RBMX: variants seen among roughly 807,000 people sequenced by gnomAD.
RBMX encodes RNA-binding motif protein, X chromosome.
RBMX carries 1 observed loss-of-function variant against 29.3 expected under a neutral mutation model. The ratio of observed to expected loss-of-function variants is 0.03; its 90% confidence interval spans 0.01 to 0.16. The LOEUF is 0.16. Among genes scored for constraint, RBMX ranks in the 10% least tolerant of loss-of-function variants. The probability of loss-of-function intolerance (pLI) is 1.00; values close to 1 mark genes in which losing one functional copy is unlikely to be tolerated. For synonymous variants in RBMX, 102 were observed against 102.3 expected (o/e 1.00, Z 0.02); for missense variants, 121 against 333.2 (o/e 0.36, Z 4.96).
At chrX:136,876,696 G>C (rs773882563) in intron 4 of RBMX, 41 bp from the exon 5 acceptor site, 18 of 964,215 alleles carry the variant, frequency 1.9e-5, no homozygotes, top group Middle Eastern at 5.7e-4. Flanking sequence ...CTACTCACAA[G>C]AATCAAGAAA....
downstream of RBMX, chrX:136,869,361 T>C (rs2077672035): frequency 8.9e-6 from 1 of 112,489 alleles, no homozygotes; most frequent in African/African-American, 3.2e-5. Flanking sequence ...TCTGATTCCT[T>C]TTCCACACAT....
chrX:136,871,220 C>T (rs746583296), downstream of RBMX, among the ~76,000 whole-genome samples: 1 of 109,191 alleles, frequency 9.2e-6, no homozygotes, highest in East Asian at 2.9e-4. Context: ...GCGAGGCAGG[C>T]AGATCACAAG....
In RBMX at chrX:136,879,187, T is replaced by C. The variant is rs773587358; in HGVS notation, c.110-64A>G. 57 of 1,205,980 alleles carry C rather than the reference T, an allele frequency of 4.7e-5. No individual in the cohort carries two copies. The South Asian group carries it at 8.6e-4, about 18-fold the overall frequency. The stretch of plus-strand genomic sequence containing the variant: ...GGTCAAATGAAATAACCAAAGTAAA[T>C]GTGTAAACAGAAAGCTCAGAACTTC... On this transcript the variant is annotated intron_variant, in intron 2 of 8. Coordinates refer to ENST00000320676, the MANE Select transcript of RBMX (RefSeq NM_002139.4).
chrX:136,878,502 T>A (rs1250638426), intron 3 of RBMX, among the ~76,000 whole-genome samples: 1 of 108,853 alleles, frequency 9.2e-6, no homozygotes, highest in African/African-American at 3.3e-5. Context: ...TCCCAGTACT[T>A]TGGGAGGCGG....
chrX:136,870,367 A>G (rs2077677157), downstream of RBMX: 1 of 113,730 alleles, frequency 8.8e-6, no homozygotes, highest in Non-Finnish European at 1.9e-5. Context: ...AGCACTGCTT[A>G]TGCAACTGTA....
At chrX:136,869,352 C>T (rs1022257422), downstream of RBMX, 1 of 112,463 alleles carries the variant, frequency 8.9e-6, no homozygotes, top group Non-Finnish European at 1.9e-5. Context: ...GAATCAAGAT[C>T]TGATTCCTTT....
rs757886996 is a variant in RBMX, at chrX:136,878,169, C to T, written c.217-83G>A. On this transcript the variant is annotated intron_variant, in intron 3 of 8. Coordinates refer to ENST00000320676, the MANE Select transcript of RBMX (RefSeq NM_002139.4). ...CTATGCACTAAGACACTAACTGGTCCTTCAAAATGCAGTTATGGGTAAGTG... is the reference window on the plus strand; with the variant it reads ...CTATGCACTAAGACACTAACTGGTCTTTCAAAATGCAGTTATGGGTAAGTG... 40 of 835,728 alleles carry T rather than the reference C, an allele frequency of 4.8e-5. No homozygotes were observed. The African/African-American group carries it at 8.3e-4, about 17-fold the overall frequency. 68.9% of individuals were successfully genotyped at this position (835,728 alleles called of 1,213,427 possible).
At position 136,875,274 on chromosome X, in the gene RBMX, G is replaced by A; in HGVS notation, c.766C>T (p.Pro256Ser). The change falls in exon 7 of 9, where the codon CCA (proline) becomes TCA (serine). Residue 256 changes from proline to serine, a missense_variant. By Grantham distance (74) the Pro-to-Ser change is moderately conservative. Around this residue, in one of 2 missense-constraint regions of RBMX, gnomAD observed 114 missense variants for 260.0 expected, o/e 0.44. Transcript: ENST00000320676. Reference protein sequence around the residue: ...YGHSSSRDDYPSRGYSDRDGY... With the variant: ...YGHSSSRDDYSSRGYSDRDGY... ...GTCACTTACCTATATCCTCTTGATG[G>A]ATAGTCATCACGTGAACTGGAATGA... The A allele has an allele frequency of 3.3e-6, 4 of 1,211,555 alleles. No individual in the cohort carries two copies. The highest frequency in any genetic ancestry group is 4.5e-6 in the Non-Finnish European group (4 of 895,319).
intron 8 of RBMX, chrX:136,874,834 T>C: frequency 4.5e-6 from 2 of 448,597 alleles, no homozygotes; most frequent in Non-Finnish European, 6.8e-6. Flanking sequence ...TTTTCACTGT[T>C]GGGGGAAAAC....
chrX:136,876,220 T>C (rs780435974), intron 5 of RBMX, among the ~76,000 whole-genome samples: 1 of 103,117 alleles, frequency 9.7e-6, no homozygotes, highest in Admixed American at 1.1e-4. Flanking sequence ...GCCTCCCAGG[T>C]TCAAACAATT....
At chrX:136,876,739 T>A in intron 4 of RBMX, 84 bp from the exon 5 acceptor site, 1 of 844,355 alleles carries the variant, frequency 1.2e-6, no homozygotes, top group Non-Finnish European at 1.6e-6. Flanking sequence ...TTTGAGAGTC[T>A]CACTGTCGCC....
intron 1 of RBMX, among the ~76,000 whole-genome samples, chrX:136,879,860 G>A (rs2077780097): frequency 9.0e-6 from 1 of 111,432 alleles, no homozygotes; most frequent in African/African-American, 3.3e-5. Context: ...TTAACACCAA[G>A]CCCTCTTCCA....
downstream of RBMX, chrX:136,872,438 G>A: frequency 3.9e-6 from 3 of 763,145 alleles, no homozygotes; most frequent in South Asian, 4.8e-5. Flanking sequence ...AGAAAGAAAA[G>A]GCAAGTTCAG....
rs759963215 is a variant in RBMX at position 136,877,933 on chromosome X, A to C, written c.370T>G (p.Ser124Ala). 8.3e-7 allele frequency: 1 copy of C among 1,205,875 alleles called. No homozygotes were observed. Among genetic ancestry groups the C allele is most frequent in the East Asian group, 3.0e-5 (1 of 33,727 alleles). ...GGSGGTRGPP[S>A]RGGHMDDGGY... ...TTATTACCCATGTGTCCTCCCCGTG[A>C]GGGAGGTCCCCTGGTTCCTCCACTT... The change falls in exon 4 of 9, where the codon TCA (serine) becomes GCA (alanine). Residue 124 changes from serine to alanine, a missense_variant. Physicochemically the swap from Ser to Ala is moderately conservative, Grantham distance 99 (BLOSUM62 1). Transcript: ENST00000320676.
At chrX:136,875,806 G>GTT (rs373439816) in intron 5 of RBMX, among the ~76,000 whole-genome samples, 9 of 101,442 alleles carry the variant, frequency 8.9e-5, no homozygotes, top group African/African-American at 3.2e-4. Context: ...TAAAAGTTTT[G>GTT]TTTTTTTTTT....
chrX:136,875,614 A>G (rs751382455), intron 5 of RBMX, 29 bp from the exon 6 acceptor site: 2 of 1,190,310 alleles, frequency 1.7e-6, no homozygotes, highest in African/African-American at 1.8e-5. Flanking sequence ...TTTTTTAAAC[A>G]TAGCCAGAGA....
rs1182908110 is a variant in RBMX, at chrX:136,874,085, T to C, written c.*57A>G. 1.7e-6 allele frequency: 2 copies of C among 1,156,867 alleles called. No individual in the cohort carries two copies. Among genetic ancestry groups the C allele is most frequent in the African/African-American group, 3.6e-5 (2 of 55,968 alleles). ...TAGTCCTTGGGTAGTTATGATAGAATAGTTTCCACTTTTTGTTTCTTTGAA... is the reference window on the plus strand; with the variant it reads ...TAGTCCTTGGGTAGTTATGATAGAACAGTTTCCACTTTTTGTTTCTTTGAA... On this transcript the variant is annotated 3_prime_UTR_variant, in exon 9 of 9. Transcript: ENST00000320676.
Position 136,875,268 on chromosome X carries a change from T to G in RBMX, c.772A>C (p.Arg258=). Residue 258 remains arginine (R), a synonymous_variant, in exon 7 of 9, where the codon AGA becomes CGA. Transcript: ENST00000320676. ...HSSSRDDYPS[R]GYSDRDGYGR... ...AGCAAAGTCACTTACCTATATCCTCTTGATGGATAGTCATCACGTGAACTG... is the reference window on the plus strand; with the variant it reads ...AGCAAAGTCACTTACCTATATCCTCGTGATGGATAGTCATCACGTGAACTG... 8.3e-7 allele frequency: 1 copy of G among 1,211,583 alleles called. No individual in the cohort carries two copies. The highest frequency in any genetic ancestry group is 1.1e-6 in the Non-Finnish European group (1 of 895,286).
In RBMX at chrX:136,879,428, G is replaced by GTT. The variant is rs755621649; in HGVS notation, c.-3_-2dup. The GTT allele has an allele frequency of 3.3e-5, 37 of 1,115,392 alleles. No individual in the cohort carries two copies. In the Admixed American group the frequency reaches 4.6e-4, roughly 14 times the overall value. The allele number at this position is 1,115,392 out of a possible 1,213,427, so 91.9% of individuals were successfully genotyped here. Reference sequence around the variant, plus strand: ...TTCCTGGGCGATCTGCTTCAACCATGTTTTTTTTTTTTTGGGCCGGTGAGT... The same window carrying GTT: ...TTCCTGGGCGATCTGCTTCAACCATGTTTTTTTTTTTTTTTGGGCCGGTGAGT... On this transcript the variant is annotated 5_prime_UTR_variant, in exon 2 of 9. Coordinates refer to ENST00000320676, the MANE Select transcript of RBMX (RefSeq NM_002139.4).
Sources: gnomAD v4.1 joint callset for allele counts (sites outside exome capture counted in the v4.1 genomes callset) on GRCh38, gnomAD v4.1.1 for gene constraint, gnomAD v4.1.1 regional missense constraint, MANE v1.5 for transcripts, NCBI Gene and HGNC (gene_info 2026-07-23, HGNC 2026-07-21) for gene names.